The following PARP8 variants were observed in gnomAD, a reference collection of about 807,000 sequenced individuals.
PARP8 encodes protein mono-ADP-ribosyltransferase PARP8.
In PARP8, 51 loss-of-function variants were observed where a neutral mutation model predicts 124.1. The observed-to-expected ratio is 0.41, with a 90% CI of 0.33 to 0.52. The LOEUF (loss-of-function observed/expected upper bound fraction) is 0.52, where lower values mean the gene tolerates loss of function less well. PARP8 is among the 20% of genes least tolerant of loss of function. The pLI, the probability that PARP8 is intolerant of heterozygous loss-of-function variation, is 0.21. For synonymous variants in PARP8, 391 were observed against 361.5 expected (o/e 1.08, Z -0.93); for missense variants, 860 against 1,018.9 (o/e 0.84, Z 2.12).
chr5:50,701,682 G>A (rs1753609194), intron 2 of PARP8, among the ~76,000 whole-genome samples: 1 of 152,104 alleles, frequency 6.6e-6, no homozygotes, highest in Non-Finnish European at 1.5e-5. Flanking sequence ...TTTAAATAAT[G>A]TGTTGATTAA....
In PARP8 at chr5:50,834,005, A is replaced by C. The variant is rs1300268938; in HGVS notation, c.2334A>C (p.Gln778His). ...SQSQKKGQQS[Q>H]FLQSRNLKCI... ...CACAGAAAAAAGGACAGCAATCCCA[A>C]TTCCTGCAAAGCCGTAACTTAAAAT... Residue 778 changes from glutamine to histidine, a missense_variant, in exon 24 of 26, where the codon CAA becomes CAC. Physicochemically the swap from Gln to His is conservative, Grantham distance 24. Transcript: ENST00000281631. 2.5e-6 allele frequency: 4 copies of C among 1,612,576 alleles called. No homozygotes were observed. Among genetic ancestry groups the C allele is most frequent in the Non-Finnish European group, 2.5e-6 (3 of 1,179,026 alleles).
rs981286468 is a variant in PARP8 at position 50,779,734 on chromosome 5, A to G, written c.670+1084A>G. ...CATGGGCATCTTTAATCTGACACAC[A>G]TGTTACTATGATGTCTGCATGTTTT... On this transcript the variant is annotated intron_variant, in intron 9 of 25. Transcript: ENST00000281631. Among the ~76,000 whole-genome samples, 11 of 152,318 alleles carry G rather than the reference A, an allele frequency of 7.2e-5. No individual in the cohort carries two copies. In the South Asian group the frequency reaches 1.4e-3, roughly 20 times the overall value.
chr5:50,797,885 A>G (rs145276907), intron 14 of PARP8, among the ~76,000 whole-genome samples: 366 of 152,342 alleles, frequency 2.4e-3, no homozygotes, highest in Non-Finnish European at 3.4e-3. Context: ...ACAATATTAT[A>G]TAACCATTAC....
At chr5:50,729,290 A>G (rs1358091780) in intron 2 of PARP8, among the ~76,000 whole-genome samples, 2 of 152,012 alleles carry the variant, frequency 1.3e-5, no homozygotes, top group Non-Finnish European at 2.9e-5. Flanking sequence ...TTGCTTTGCT[A>G]AGGAAAGAGC....
At chr5:50,755,622 C>T (rs1385467573) in intron 3 of PARP8, among the ~76,000 whole-genome samples, 1 of 152,156 alleles carries the variant, frequency 6.6e-6, no homozygotes, top group African/African-American at 2.4e-5. Context: ...TTTGATGCCT[C>T]CAGCTTTGCT....
intron 2 of PARP8, among the ~76,000 whole-genome samples, chr5:50,747,044 T>A (rs13181117): frequency 3.3e-5 from 5 of 151,792 alleles, no homozygotes; most frequent in East Asian, 3.8e-4. Flanking sequence ...AAATTTTTTT[T>A]AAATGGAAAA....
intron 14 of PARP8, among the ~76,000 whole-genome samples, chr5:50,809,425 TATACAA>T (rs1744200710): frequency 6.6e-6 from 1 of 152,092 alleles, no homozygotes. Context: ...AAACAGTGGA[TATACAA>T]ATCAAAATGC....
Position 50,841,873 on chromosome 5 carries a change from G to A in PARP8, c.2463-93G>A, listed in dbSNP as rs181722164. 5.8e-4 allele frequency: 478 copies of A among 818,070 alleles called. 3 individuals are homozygous for A. The African/African-American group carries it at 7.3e-3, about 12-fold the overall frequency. 50.7% of individuals were successfully genotyped at this position (818,070 alleles called of 1,614,324 possible). ...GTATAATTTGCTTTTGATTCTCTTGGGCTATATTTTAGGTATCAAATAGCA... is the reference window on the plus strand; with the variant it reads ...GTATAATTTGCTTTTGATTCTCTTGAGCTATATTTTAGGTATCAAATAGCA... On this transcript the variant is annotated intron_variant, in intron 25 of 25. Transcript: ENST00000281631.
At chr5:50,751,670 A>G (rs181163971) in intron 3 of PARP8, among the ~76,000 whole-genome samples, 13 of 152,236 alleles carry the variant, frequency 8.5e-5, no homozygotes, top group Admixed American at 2.0e-4. Flanking sequence ...GGCAGTTTAT[A>G]ATATAAATTC....
intron 2 of PARP8, among the ~76,000 whole-genome samples, chr5:50,741,462 G>T (rs1176974627): frequency 6.6e-6 from 1 of 152,112 alleles, no homozygotes; most frequent in Non-Finnish European, 1.5e-5. Flanking sequence ...TTGCATCAAT[G>T]TTACTAATCA....
At chr5:50,817,411 C>T (rs779194113) in intron 15 of PARP8, among the ~76,000 whole-genome samples, 20 of 152,262 alleles carry the variant, frequency 1.3e-4, no homozygotes, top group South Asian at 1.0e-3. Flanking sequence ...ATAATCCTAA[C>T]GATTACAGGG....
chr5:50,795,545 T>A, intron 12 of PARP8, 128 bp downstream of exon 12: 1 of 749,192 alleles, frequency 1.3e-6, no homozygotes, highest in South Asian at 2.5e-5. Flanking sequence ...TTTTAAAATC[T>A]TTTTGGATAT....
intron 2 of PARP8, among the ~76,000 whole-genome samples, chr5:50,707,718 G>C (rs1754307195): frequency 2.6e-5 from 4 of 151,452 alleles, no homozygotes; most frequent in South Asian, 2.1e-4. Flanking sequence ...ATCTCCTCTT[G>C]TTTTCTTTGG....
intron 25 of PARP8, among the ~76,000 whole-genome samples, chr5:50,835,797 G>A (rs1172272757): frequency 6.6e-6 from 1 of 152,046 alleles, no homozygotes; most frequent in Non-Finnish European, 1.5e-5. Flanking sequence ...TGTATCATAA[G>A]AGTTGCATTA....
intron 2 of PARP8, among the ~76,000 whole-genome samples, chr5:50,689,364 C>T (rs1579963681): frequency 6.6e-6 from 1 of 152,274 alleles, no homozygotes; most frequent in East Asian, 1.9e-4. Flanking sequence ...AGGTTTATTT[C>T]TTATTCTTAT....
chr5:50,824,705 C>T (rs1257016558), intron 17 of PARP8, among the ~76,000 whole-genome samples: 3 of 151,926 alleles, frequency 2.0e-5, no homozygotes, highest in Non-Finnish European at 4.4e-5. Flanking sequence ...AGTGTTTGGG[C>T]AAGTCATTTT....
chr5:50,810,623 T>A (rs1007598292), intron 14 of PARP8, among the ~76,000 whole-genome samples: 1 of 152,090 alleles, frequency 6.6e-6, no homozygotes, highest in Non-Finnish European at 1.5e-5. Flanking sequence ...TCTAATCACT[T>A]AATGTAATTT....
At chr5:50,709,955 T>TATAATACAC (rs149858890) in intron 2 of PARP8, among the ~76,000 whole-genome samples, 1 of 103,324 alleles carries the variant, frequency 9.7e-6, no homozygotes, top group East Asian at 3.1e-4. Context: ...TATATATATA[T>TATAATACAC]ACACATACAT....
At chr5:50,739,533 G>A (rs1276700034) in intron 2 of PARP8, among the ~76,000 whole-genome samples, 2 of 151,548 alleles carry the variant, frequency 1.3e-5, no homozygotes, top group African/African-American at 4.9e-5. Context: ...ATCCAAATAA[G>A]CAGAAAGGAG....
Sources: allele counts gnomAD v4.1 joint callset (sites outside exome capture counted in the v4.1 genomes callset), GRCh38; gene constraint gnomAD v4.1.1; transcripts MANE v1.5; gene names NCBI Gene and HGNC (gene_info 2026-07-23, HGNC 2026-07-21).